BBS9: variants seen among roughly 807,000 people sequenced by gnomAD.
The protein encoded by BBS9 is protein PTHB1.
BBS9 carries 89 observed loss-of-function variants against 117.7 expected under a neutral mutation model. The ratio of observed to expected loss-of-function variants is 0.76; its 90% CI spans 0.64 to 0.90. BBS9 has a LOEUF of 0.90. Among genes scored for constraint, BBS9 ranks in the 40% least tolerant of loss-of-function variants. The probability of loss-of-function intolerance (pLI) is 0.00; values close to 1 mark genes in which losing one functional copy is unlikely to be tolerated. For missense variants in BBS9, 982 were observed against 1,042.2 expected, an observed-to-expected ratio of 0.94 and a Z score of 0.80; for synonymous variants, 379 against 370.9, an observed-to-expected ratio of 1.02 and a Z score of -0.25.
At chr7:33,370,737 A>G (rs1387729961) in intron 17 of BBS9, among the ~76,000 whole-genome samples, 4 of 152,138 alleles carry the variant, frequency 2.6e-5, no homozygotes, top group Non-Finnish European at 5.9e-5. Context: ...ATAGTGACTT[A>G]TTACCATATA....
chr7:33,236,754 T>C (rs1229771131), intron 5 of BBS9, among the ~76,000 whole-genome samples: 2 of 152,076 alleles, frequency 1.3e-5, no homozygotes, highest in African/African-American at 2.4e-5. Flanking sequence ...CTTCACCTTA[T>C]CAACTTATTT....
At chr7:33,456,570 A>T (rs1429236709) in intron 19 of BBS9, among the ~76,000 whole-genome samples, 3 of 152,298 alleles carry the variant, frequency 2.0e-5, no homozygotes, top group Admixed American at 6.5e-5. Context: ...AGTTAAAAAA[A>T]CAAAACCTGA....
At chr7:33,539,742 G>C (rs1264283671) in intron 21 of BBS9, among the ~76,000 whole-genome samples, 2 of 152,196 alleles carry the variant, frequency 1.3e-5, no homozygotes. Flanking sequence ...CAACTGAACT[G>C]ACTGCCAGAT....
chr7:33,454,577 A>G (rs1359429669), intron 19 of BBS9, among the ~76,000 whole-genome samples: 1 of 152,264 alleles, frequency 6.6e-6, no homozygotes, highest in Non-Finnish European at 1.5e-5. Flanking sequence ...GTTCCTTAAC[A>G]GGTCACTGCC....
chr7:33,241,466 A>G (rs560733414), intron 5 of BBS9, among the ~76,000 whole-genome samples: 1 of 152,292 alleles, frequency 6.6e-6, no homozygotes, highest in South Asian at 2.1e-4. Flanking sequence ...GTGACTTTCA[A>G]CAGTTCTGGA....
intron 9 of BBS9, chr7:33,277,137 G>T: frequency 5.6e-6 from 1 of 178,574 alleles, no homozygotes. Context: ...AAACCACAAA[G>T]ACAGCGAATG....
intron 19 of BBS9, among the ~76,000 whole-genome samples, chr7:33,468,192 A>C (rs1279403006): frequency 6.6e-6 from 1 of 152,136 alleles, no homozygotes; most frequent in African/African-American, 2.4e-5. Flanking sequence ...GTGAGGAAGA[A>C]GACTCTCCTA....
chr7:33,372,232 G>C (rs935490873), intron 17 of BBS9, among the ~76,000 whole-genome samples: 1 of 152,138 alleles, frequency 6.6e-6, no homozygotes, highest in Non-Finnish European at 1.5e-5. Flanking sequence ...TGCTAAAGTG[G>C]AGAGAAGACC....
chr7:33,232,372 A>G (rs967036380), intron 5 of BBS9, among the ~76,000 whole-genome samples: 4 of 152,156 alleles, frequency 2.6e-5, no homozygotes, highest in African/African-American at 9.6e-5. Context: ...ACTAAAGTTT[A>G]GATATAAATA....
chr7:33,158,226 C>G (rs1794363445), intron 4 of BBS9, among the ~76,000 whole-genome samples: 1 of 152,110 alleles, frequency 6.6e-6, no homozygotes, highest in Non-Finnish European at 1.5e-5. Flanking sequence ...TAAAATTGCA[C>G]CGAAAACTGT....
rs143474539 is a variant in BBS9 at position 33,268,018 on chromosome 7, G to A, written c.702+3644G>A. Among the ~76,000 whole-genome samples, 352 of 152,242 alleles carry A rather than the reference G, an allele frequency of 2.3e-3. 1 individual carries two copies. The highest frequency in any genetic ancestry group is 8.3e-3 in the African/African-American group (344 of 41,554). ...GCCTTGTTCTCAAGACTTGTTAAGT[G>A]GGACCAGGGTAGTGCTCATTTTAGG... On this transcript the variant is annotated intron_variant, in intron 7 of 22. Coordinates refer to ENST00000242067, the MANE Select transcript of BBS9 (RefSeq NM_198428.3).
intron 6 of BBS9, among the ~76,000 whole-genome samples, chr7:33,263,496 T>C (rs777388263): frequency 5.3e-4 from 81 of 152,168 alleles, no homozygotes; most frequent in Non-Finnish European, 1.1e-3. Context: ...CTTTATTAGA[T>C]AAATTAATCA....
intron 21 of BBS9, among the ~76,000 whole-genome samples, chr7:33,569,688 G>C (rs1857471624): frequency 6.6e-6 from 1 of 152,108 alleles, no homozygotes; most frequent in African/African-American, 2.4e-5. Flanking sequence ...CGTGAACCCG[G>C]GAGGAGGAAA....
Position 33,533,950 on chromosome 7 carries a change from C to A in BBS9, c.2299-4C>A, listed in dbSNP as rs752177003. The A allele has an allele frequency of 6.2e-7, 1 of 1,614,058 alleles. No homozygotes were observed. The highest frequency in any genetic ancestry group is 8.5e-7 in the Non-Finnish European group (1 of 1,180,036). On this transcript the variant is annotated splice_region_variant and splice_polypyrimidine_tract_variant and intron_variant, in intron 20 of 22. Coordinates refer to ENST00000242067, the MANE Select transcript of BBS9 (RefSeq NM_198428.3). ...ATTAATTCAAAATTGGCTTTTGTAT[C>A]CAGGGCTGGGAAGAAACGGTGGATG...
At chr7:33,532,850 C>T (rs1254108071) in intron 20 of BBS9, among the ~76,000 whole-genome samples, 1 of 152,200 alleles carries the variant, frequency 6.6e-6, no homozygotes, top group Non-Finnish European at 1.5e-5. Context: ...AAGGGACTTG[C>T]ACTGTTCCGC....
intron 5 of BBS9, among the ~76,000 whole-genome samples, chr7:33,209,101 T>C (rs1185473163): frequency 1.3e-5 from 2 of 152,206 alleles, no homozygotes; most frequent in African/African-American, 4.8e-5. Context: ...ATCCCCCAAC[T>C]ACCCTTCTCA....
intron 13 of BBS9, among the ~76,000 whole-genome samples, chr7:33,350,194 T>C (rs1818367089): frequency 6.6e-6 from 1 of 152,188 alleles, no homozygotes; most frequent in South Asian, 2.1e-4. Context: ...TGCTAAGGCT[T>C]CTATCTCTTA....
chr7:33,443,135 A>T (rs1297724143), intron 19 of BBS9, among the ~76,000 whole-genome samples: 1 of 152,164 alleles, frequency 6.6e-6, no homozygotes, highest in Admixed American at 6.5e-5. Context: ...CATTACCAAG[A>T]ATTTATGAAT....
chr7:33,300,125 A>G (rs531681892), intron 9 of BBS9, among the ~76,000 whole-genome samples: 8 of 152,234 alleles, frequency 5.3e-5, no homozygotes, highest in African/African-American at 1.9e-4. Flanking sequence ...GTGTAGCTAT[A>G]AGAGAGGGCC....
Sources: allele counts gnomAD v4.1 joint callset (sites outside exome capture counted in the v4.1 genomes callset), GRCh38; gene constraint gnomAD v4.1.1; transcripts MANE v1.5; gene names NCBI Gene and HGNC (gene_info 2026-07-23, HGNC 2026-07-21).